FRMD4B: variants seen among roughly 807,000 people sequenced by gnomAD.
The protein encoded by FRMD4B is FERM domain-containing protein 4B.
Under a neutral mutation model 141.5 loss-of-function variants are expected in FRMD4B, and 74 were observed. The observed-to-expected ratio is 0.52, with a 90% confidence interval of 0.43 to 0.63. FRMD4B has a LOEUF of 0.63. Ranked by LOEUF, FRMD4B falls within the 30% of genes least tolerant of loss-of-function variation. The pLI is 0.00. For synonymous variants in FRMD4B, 506 were observed against 467.9 expected (o/e 1.08, Z -1.05); for missense variants, 1,366 against 1,253.4 (o/e 1.09, Z -1.36).
intron 1 of FRMD4B, among the ~76,000 whole-genome samples, chr3:69,443,166 G>A (rs1451821678): frequency 1.3e-5 from 2 of 152,148 alleles, no homozygotes; most frequent in South Asian, 2.1e-4. Context: ...CCCCAGGGAG[G>A]GGAGAGGGGC....
chr3:69,356,100 G>C (rs1433782457), intron 1 of FRMD4B, among the ~76,000 whole-genome samples: 2 of 151,892 alleles, frequency 1.3e-5, no homozygotes, highest in Non-Finnish European at 2.9e-5. Flanking sequence ...ACTGGGGGTA[G>C]GGGGGAACCC....
At chr3:69,219,938 C>A (rs2093178076) in intron 9 of FRMD4B, among the ~76,000 whole-genome samples, 1 of 152,204 alleles carries the variant, frequency 6.6e-6, no homozygotes, top group Non-Finnish European at 1.5e-5. Flanking sequence ...CATGTCCCTG[C>A]AAAGGACATG....
At chr3:69,341,937 T>C (rs972512990) in intron 1 of FRMD4B, among the ~76,000 whole-genome samples, 2 of 152,182 alleles carry the variant, frequency 1.3e-5, no homozygotes, top group Non-Finnish European at 2.9e-5. Flanking sequence ...TACTCTGTTG[T>C]AGCAGCACAA....
intron 5 of FRMD4B, among the ~76,000 whole-genome samples, chr3:69,269,553 C>T (rs757751976): frequency 5.3e-5 from 8 of 152,312 alleles, no homozygotes; most frequent in Middle Eastern, 3.4e-3. Context: ...AAACTATGGA[C>T]GGTCTCTCCA....
intron 7 of FRMD4B, among the ~76,000 whole-genome samples, chr3:69,234,449 G>A (rs944848098): frequency 1.3e-5 from 2 of 152,128 alleles, no homozygotes; most frequent in Non-Finnish European, 2.9e-5. Context: ...CAAGACCTGG[G>A]TGATTAGCAG....
At chr3:69,523,342 G>T (rs59033577) in intron 1 of FRMD4B, among the ~76,000 whole-genome samples, 6,026 of 152,202 alleles carry the variant, frequency 0.04, 410 homozygotes, top group African/African-American at 0.14. Context: ...GTAAAATAAG[G>T]TTAAGGCCCA....
At chr3:69,191,449 A>G (rs942268422) in intron 17 of FRMD4B, among the ~76,000 whole-genome samples, 6 of 152,088 alleles carry the variant, frequency 3.9e-5, no homozygotes, top group Non-Finnish European at 8.8e-5. Flanking sequence ...CAAACAAAAA[A>G]ACAAACGTAT....
intron 7 of FRMD4B, among the ~76,000 whole-genome samples, chr3:69,234,009 G>T (rs1244094077): frequency 6.6e-6 from 1 of 152,168 alleles, no homozygotes; most frequent in Non-Finnish European, 1.5e-5. Context: ...CATTTAGGGA[G>T]GCTGGGGCTA....
At position 69,352,613 on chromosome 3, in the gene FRMD4B, T is replaced by G. The variant is rs550323220; in HGVS notation, c.162+33215A>C. ...AAGGAAGAAAAATGGCCACATGGAG[T>G]TGGACTTAATGAGTTTGCCATAACC... is the stretch of plus-strand genomic sequence containing the variant. On this transcript the variant is annotated intron_variant, in intron 1 of 22. Coordinates refer to ENST00000398540, the MANE Select transcript of FRMD4B (RefSeq NM_015123.3). 9.9e-5 allele frequency among the ~76,000 whole-genome samples: 15 copies of G among 152,154 alleles called. 1 individual carries two copies. In the South Asian group the frequency reaches 3.1e-3, roughly 32 times the overall value.
chr3:69,210,227 T>C (rs976928379), intron 11 of FRMD4B, among the ~76,000 whole-genome samples: 3 of 152,248 alleles, frequency 2.0e-5, no homozygotes, highest in East Asian at 1.9e-4. Context: ...CTCGACAGTA[T>C]GTCATTTTAT....
At chr3:69,419,327 G>A (rs1446805003) in intron 2 of FRMD4B, among the ~76,000 whole-genome samples, 1 of 152,162 alleles carries the variant, frequency 6.6e-6, no homozygotes, top group Non-Finnish European at 1.5e-5. Flanking sequence ...CCAATGCCCT[G>A]AAATCTGTCT....
At chr3:69,422,112 G>C (rs74280288) in intron 2 of FRMD4B, among the ~76,000 whole-genome samples, 1 of 152,020 alleles carries the variant, frequency 6.6e-6, no homozygotes, top group Non-Finnish European at 1.5e-5. Context: ...GAGAGGGGCC[G>C]GGCGTGGTGG....
At chr3:69,332,925 C>G (rs1364394184) in intron 1 of FRMD4B, among the ~76,000 whole-genome samples, 1 of 152,022 alleles carries the variant, frequency 6.6e-6, no homozygotes, top group African/African-American at 2.4e-5. Flanking sequence ...TCGTCCTTAA[C>G]AAGAGCATTC....
chr3:69,413,977 G>A (rs535936038), intron 2 of FRMD4B, among the ~76,000 whole-genome samples: 2 of 152,104 alleles, frequency 1.3e-5, no homozygotes, highest in African/African-American at 2.4e-5. Flanking sequence ...GGAATTTCTC[G>A]ATTCTGGGAT....
At chr3:69,469,321 T>A (rs545933641) in intron 1 of FRMD4B, among the ~76,000 whole-genome samples, 2 of 152,342 alleles carry the variant, frequency 1.3e-5, no homozygotes, top group East Asian at 3.9e-4. Context: ...TTTGATTTGG[T>A]TCAACTGACT....
intron 17 of FRMD4B, among the ~76,000 whole-genome samples, chr3:69,191,649 C>T (rs982213473): frequency 3.3e-5 from 5 of 152,200 alleles, no homozygotes; most frequent in Admixed American, 6.5e-5. Flanking sequence ...CTATCTCTAT[C>T]AGACACACAG....
At chr3:69,341,516 T>C (rs1020347479) in intron 1 of FRMD4B, among the ~76,000 whole-genome samples, 3 of 152,168 alleles carry the variant, frequency 2.0e-5, no homozygotes, top group African/African-American at 2.4e-5. Context: ...GGCTTGCTCT[T>C]ACATTCTAAA....
chr3:69,392,913 C>T (rs555268707), intron 2 of FRMD4B, among the ~76,000 whole-genome samples: 1 of 152,136 alleles, frequency 6.6e-6, no homozygotes, highest in South Asian at 2.1e-4. Flanking sequence ...TTCATCTTTC[C>T]CTTTGACTGA....
intron 1 of FRMD4B, among the ~76,000 whole-genome samples, chr3:69,454,220 T>C (rs899870322): frequency 3.3e-5 from 5 of 152,224 alleles, no homozygotes; most frequent in African/African-American, 4.8e-5. Context: ...TAGAAGGAGA[T>C]ACTCACTCCC....
Sources: gnomAD v4.1 joint callset for allele counts (sites outside exome capture counted in the v4.1 genomes callset) on GRCh38, gnomAD v4.1.1 for gene constraint, MANE v1.5 for transcripts, NCBI Gene and HGNC (gene_info 2026-07-23, HGNC 2026-07-21) for gene names.